SNX7: variants seen among roughly 807,000 people sequenced by gnomAD.
SNX7 encodes the protein sorting nexin 7, also known as sorting nexin-7.
Under a neutral mutation model 48.4 loss-of-function variants are expected in SNX7, and 35 were observed. That is an observed-to-expected ratio of 0.72 (90% CI 0.55 to 0.96). SNX7 has a LOEUF of 0.96. Among genes scored for constraint, SNX7 ranks in the 40% least tolerant of loss-of-function variants. The probability of loss-of-function intolerance (pLI) is 0.00; values close to 1 mark genes in which losing one functional copy is unlikely to be tolerated. For missense variants in SNX7, 553 were observed against 548.9 expected (o/e 1.01, Z -0.07); for synonymous variants, 190 against 190.2 (o/e 1.00, Z 0.01).
chr1:98,742,415 G>A (rs4908333), intron 8 of SNX7, among the ~76,000 whole-genome samples: 8 of 151,984 alleles, frequency 5.3e-5, no homozygotes, highest in East Asian at 1.9e-4. Context: ...TGGAGATAGC[G>A]CTGTCCTCTC....
At chr1:98,714,539 A>T (rs1311662977) in intron 7 of SNX7, among the ~76,000 whole-genome samples, 1 of 152,204 alleles carries the variant, frequency 6.6e-6, no homozygotes, top group African/African-American at 2.4e-5. Flanking sequence ...AAACAGGGTA[A>T]CATGATAAAG....
rs1435902751 is a variant in SNX7, at chr1:98,698,714, G to A, written c.847G>A (p.Asp283Asn). 1 of 1,569,818 alleles carries A rather than the reference G, an allele frequency of 6.4e-7. No individual in the cohort carries two copies. The highest frequency in any genetic ancestry group is 8.7e-7 in the Non-Finnish European group (1 of 1,151,902). Reference sequence around the variant, plus strand: ...TCTTTTTTTTTTTTTAGAATATTTTGATGAAATGAAAGAATATGGCCCAAT... The same window carrying A: ...TCTTTTTTTTTTTTTAGAATATTTTAATGAAATGAAAGAATATGGCCCAAT... ...RIYKEEREYFDEMKEYGPIHI... is the reference protein window; with the variant it reads ...RIYKEEREYFNEMKEYGPIHI... Residue 283 changes from aspartate (D) to asparagine (N), a missense_variant, in exon 6 of 9, where the codon GAT becomes AAT. By Grantham distance (23) the Asp-to-Asn change is conservative. Transcript: ENST00000306121.
chr1:98,731,524 A>C (rs1024698315), intron 7 of SNX7, among the ~76,000 whole-genome samples: 1 of 152,132 alleles, frequency 6.6e-6, no homozygotes, highest in Non-Finnish European at 1.5e-5. Context: ...CAATTACTAT[A>C]CAGTCATATG....
At chr1:98,724,408 C>T (rs61786363) in intron 7 of SNX7, among the ~76,000 whole-genome samples, 10 of 151,180 alleles carry the variant, frequency 6.6e-5, no homozygotes, top group South Asian at 6.3e-4. Flanking sequence ...ATGCTAGCCT[C>T]GTAAATTTTT....
chr1:98,718,693 A>T (rs1652712094), intron 7 of SNX7, among the ~76,000 whole-genome samples: 1 of 152,140 alleles, frequency 6.6e-6, no homozygotes, highest in South Asian at 2.1e-4. Flanking sequence ...CCCACTACCC[A>T]TGTTATTAGT....
chr1:98,752,172 T>C (rs184007758), intron 8 of SNX7, among the ~76,000 whole-genome samples: 48 of 152,222 alleles, frequency 3.2e-4, no homozygotes, highest in African/African-American at 1.1e-3. Flanking sequence ...CCTCCAATTA[T>C]GATCCTGAGG....
chr1:98,737,743 C>A (rs1008469747), intron 7 of SNX7, among the ~76,000 whole-genome samples: 1 of 151,994 alleles, frequency 6.6e-6, no homozygotes, highest in Non-Finnish European at 1.5e-5. Flanking sequence ...ATCCCCTGGG[C>A]CTCCAGGTGG....
chr1:98,740,875 T>C (rs1335801715), intron 8 of SNX7, among the ~76,000 whole-genome samples: 1 of 152,168 alleles, frequency 6.6e-6, no homozygotes, highest in African/African-American at 2.4e-5. Context: ...TTGTTTCTCT[T>C]TTGTATAACT....
At chr1:98,687,349 A>G (rs1650860335) in intron 2 of SNX7, among the ~76,000 whole-genome samples, 1 of 152,148 alleles carries the variant, frequency 6.6e-6, no homozygotes, top group Non-Finnish European at 1.5e-5. Flanking sequence ...CAGTTTAACT[A>G]TTATAAATGA....
intron 7 of SNX7, among the ~76,000 whole-genome samples, chr1:98,719,968 C>T (rs111811243): frequency 1.3e-5 from 2 of 150,204 alleles, no homozygotes; most frequent in African/African-American, 4.9e-5. Flanking sequence ...AATAACTGTC[C>T]CAGTCGTACC....
At chr1:98,748,576 A>G (rs1030377051) in intron 8 of SNX7, among the ~76,000 whole-genome samples, 6 of 151,832 alleles carry the variant, frequency 4.0e-5, no homozygotes, top group East Asian at 1.9e-4. Flanking sequence ...TTTGTAAATG[A>G]CAGACTACAT....
intron 7 of SNX7, among the ~76,000 whole-genome samples, chr1:98,705,750 G>T (rs1367212360): frequency 6.6e-6 from 1 of 152,142 alleles, no homozygotes; most frequent in Non-Finnish European, 1.5e-5. Context: ...ACTGTAGTCA[G>T]GTGGGAAGGA....
chr1:98,691,270 C>A, intron 3 of SNX7, 85 bp downstream of exon 3: 1 of 716,832 alleles, frequency 1.4e-6, no homozygotes, highest in Non-Finnish European at 2.2e-6. Context: ...TAATTTCAGA[C>A]CTTAAGTTCA....
chr1:98,696,260 A>G (rs1351616477), intron 5 of SNX7, among the ~76,000 whole-genome samples: 1 of 150,318 alleles, frequency 6.7e-6, no homozygotes, highest in African/African-American at 2.5e-5. Flanking sequence ...TTCTAATTGC[A>G]TTTACTTACA....
intron 8 of SNX7, among the ~76,000 whole-genome samples, chr1:98,752,396 G>A (rs1284090042): frequency 2.0e-5 from 3 of 151,912 alleles, no homozygotes; most frequent in Non-Finnish European, 2.9e-5. Context: ...GTGGAAACAG[G>A]CAATTACATT....
At chr1:98,758,752 CT>C (rs548277368) in intron 8 of SNX7, among the ~76,000 whole-genome samples, 14 of 151,836 alleles carry the variant, frequency 9.2e-5, no homozygotes, top group Non-Finnish European at 1.6e-4. Context: ...ACAATTAGGT[CT>C]TTCAGTGTTT....
At chr1:98,663,241 G>A (rs553260812) in intron 1 of SNX7, among the ~76,000 whole-genome samples, 89 of 135,442 alleles carry the variant, frequency 6.6e-4, no homozygotes, top group Middle Eastern at 3.9e-3. Context: ...GAATCATCAG[G>A]GTTTCTTTCT....
At chr1:98,710,235 C>T (rs1195180746) in intron 7 of SNX7, among the ~76,000 whole-genome samples, 1 of 152,080 alleles carries the variant, frequency 6.6e-6, no homozygotes, top group African/African-American at 2.4e-5. Flanking sequence ...AGGGAAGTAA[C>T]TGCATATTAA....
At chr1:98,736,288 C>T (rs1193090992) in intron 7 of SNX7, among the ~76,000 whole-genome samples, 1 of 152,098 alleles carries the variant, frequency 6.6e-6, no homozygotes, top group African/African-American at 2.4e-5. Flanking sequence ...TGTACGTACC[C>T]CTTGATCCTA....
Sources: allele counts gnomAD v4.1 joint callset (sites outside exome capture counted in the v4.1 genomes callset), GRCh38; gene constraint gnomAD v4.1.1; transcripts MANE v1.5; gene names NCBI Gene and HGNC (gene_info 2026-07-23, HGNC 2026-07-21).